FMN1: variants seen among roughly 807,000 people sequenced by gnomAD.
FMN1 encodes formin-1.
A neutral mutation model predicts 132.4 loss-of-function variants in FMN1; 110 were observed. That is an observed-to-expected ratio of 0.83 (90% CI 0.71 to 0.97). FMN1 has a LOEUF of 0.97. FMN1 is among the 50% of genes least tolerant of loss of function. FMN1 has a pLI of 0.00. For synonymous variants in FMN1, 722 were observed against 651.7 expected, an observed-to-expected ratio of 1.11 and a Z score of -1.64; for missense variants, 1,792 against 1,705.3, an observed-to-expected ratio of 1.05 and a Z score of -0.90.
chr15:32,987,251 G>A (rs1294009379), intron 7 of FMN1, among the ~76,000 whole-genome samples: 1 of 152,106 alleles, frequency 6.6e-6, no homozygotes, highest in Non-Finnish European at 1.5e-5. Context: ...CCACATGACC[G>A]CTGTAGCGTT....
At chr15:32,840,053 C>T (rs1222034797) in intron 17 of FMN1, among the ~76,000 whole-genome samples, 1 of 152,184 alleles carries the variant, frequency 6.6e-6, no homozygotes, top group South Asian at 2.1e-4. Flanking sequence ...GTGATGAATC[C>T]TCCCCGGGAG....
At chr15:32,809,320 C>T (rs1406337998) in intron 17 of FMN1, among the ~76,000 whole-genome samples, 2 of 152,146 alleles carry the variant, frequency 1.3e-5, no homozygotes, top group East Asian at 1.9e-4. Context: ...AACAGGTTCC[C>T]CTCATTGCAC....
intron 10 of FMN1, among the ~76,000 whole-genome samples, chr15:32,919,592 A>C (rs16961154): frequency 0.019 from 2,910 of 152,318 alleles, 96 homozygotes; most frequent in East Asian, 0.12. Context: ...ATTTTATAAC[A>C]TGCATATTAG....
chr15:32,966,871 C>T (rs2031287695), intron 8 of FMN1, among the ~76,000 whole-genome samples: 2 of 152,224 alleles, frequency 1.3e-5, no homozygotes, highest in African/African-American at 4.8e-5. Flanking sequence ...TAAGCAAATA[C>T]TCCACAGGCT....
chr15:33,069,103 C>CT (rs1323397515), intron 5 of FMN1, among the ~76,000 whole-genome samples: 6 of 152,224 alleles, frequency 3.9e-5, no homozygotes, highest in Non-Finnish European at 8.8e-5. Flanking sequence ...TGAAAAGTCT[C>CT]TATCAGTCAG....
At chr15:33,000,660 C>A (rs924667274) in intron 7 of FMN1, among the ~76,000 whole-genome samples, 1 of 151,976 alleles carries the variant, frequency 6.6e-6, no homozygotes, top group Non-Finnish European at 1.5e-5. Context: ...AACCAGAACT[C>A]AGGAAGTGGA....
chr15:32,846,203 G>A (rs1208942676), intron 17 of FMN1, among the ~76,000 whole-genome samples: 1 of 152,120 alleles, frequency 6.6e-6, no homozygotes, highest in Non-Finnish European at 1.5e-5. Context: ...AATAATAAAA[G>A]TTGTATGTAT....
intron 16 of FMN1, among the ~76,000 whole-genome samples, chr15:32,871,226 A>C (rs2059508279): frequency 6.6e-6 from 1 of 152,168 alleles, no homozygotes; most frequent in Admixed American, 6.5e-5. Flanking sequence ...CAGCAGAAAA[A>C]ACAAATCGGT....
At chr15:32,910,592 A>G in intron 10 of FMN1, 57 bp from the exon 11 acceptor site, 1 of 1,256,196 alleles carries the variant, frequency 8.0e-7, no homozygotes, top group South Asian at 1.3e-5. Flanking sequence ...CCCCTGCACC[A>G]ATGTTTACTC....
intron 2 of FMN1, among the ~76,000 whole-genome samples, chr15:33,187,639 A>T (rs1370047408): frequency 6.6e-6 from 1 of 152,244 alleles, no homozygotes; most frequent in Non-Finnish European, 1.5e-5. Context: ...CTGGGAGAGC[A>T]GAATTACTGG....
chr15:33,120,616 G>C (rs556358168), intron 4 of FMN1, among the ~76,000 whole-genome samples: 2 of 32,634 alleles, frequency 6.1e-5, no homozygotes, highest in African/African-American at 2.3e-4. Flanking sequence ...GATACTGTTC[G>C]GCAGCTTTTG....
intron 17 of FMN1, among the ~76,000 whole-genome samples, chr15:32,815,214 T>A (rs1303235031): frequency 1.3e-5 from 2 of 152,248 alleles, no homozygotes; most frequent in Non-Finnish European, 2.9e-5. Context: ...AGTGCTGGGA[T>A]TACAGGCGTG....
chr15:32,899,225 C>A (rs1185868483), intron 14 of FMN1, among the ~76,000 whole-genome samples: 2 of 152,160 alleles, frequency 1.3e-5, no homozygotes, highest in Non-Finnish European at 2.9e-5. Context: ...TAAAGGGAAC[C>A]AGGGCCTAGA....
chr15:33,110,311 G>T (rs1293368224), intron 4 of FMN1, among the ~76,000 whole-genome samples: 4 of 152,114 alleles, frequency 2.6e-5, no homozygotes, highest in African/African-American at 9.6e-5. Context: ...CAATATTTAT[G>T]AAAAGTTAAA....
intron 19 of FMN1, among the ~76,000 whole-genome samples, chr15:32,789,731 C>T (rs1011890687): frequency 4.6e-5 from 7 of 152,146 alleles, no homozygotes; most frequent in East Asian, 1.9e-4. Context: ...AATTTCCAAT[C>T]CTGCAACCTC....
intron 7 of FMN1, among the ~76,000 whole-genome samples, chr15:33,004,931 C>T (rs1004936703): frequency 6.6e-6 from 1 of 151,904 alleles, no homozygotes; most frequent in Non-Finnish European, 1.5e-5. Flanking sequence ...AGCAAACTAT[C>T]GCAAGGACAA....
At chr15:32,944,212 TACAATGCTGATTCA>T (rs2140456958) in intron 9 of FMN1, among the ~76,000 whole-genome samples, 1 of 152,226 alleles carries the variant, frequency 6.6e-6, no homozygotes, top group African/African-American at 2.4e-5. Flanking sequence ...TGCCCAGGAG[TACAATGCTGATTCA>T]GTTTCCTTGG....
chr15:32,822,783 A>C (rs560419287), intron 17 of FMN1, among the ~76,000 whole-genome samples: 1 of 152,032 alleles, frequency 6.6e-6, no homozygotes, highest in South Asian at 2.1e-4. Context: ...TCTCTACTGG[A>C]TTCTTTTTTA....
At chr15:32,905,312 G>A (rs1596238656) in intron 12 of FMN1, among the ~76,000 whole-genome samples, 1 of 152,198 alleles carries the variant, frequency 6.6e-6, no homozygotes, top group East Asian at 1.9e-4. Context: ...GCACATAGGC[G>A]ATACACATAG....
Sources: allele counts gnomAD v4.1 joint callset (sites outside exome capture counted in the v4.1 genomes callset), GRCh38; gene constraint gnomAD v4.1.1; transcripts MANE v1.5; gene names NCBI Gene and HGNC (gene_info 2026-07-23, HGNC 2026-07-21).